VLDLR: variants seen among roughly 807,000 people sequenced by gnomAD.
The protein encoded by VLDLR is very low-density lipoprotein receptor.
Under a neutral mutation model 112.7 loss-of-function variants are expected in VLDLR, and 81 were observed. That is an observed-to-expected ratio of 0.72 (90% CI 0.60 to 0.86). The LOEUF (loss-of-function observed/expected upper bound fraction) is 0.86. Ranked by LOEUF, VLDLR falls within the 40% of genes least tolerant of loss-of-function variation. VLDLR has a pLI of 0.00. For synonymous variants in VLDLR, 436 were observed against 384.8 expected (o/e 1.13, Z -1.56); for missense variants, 1,237 against 1,099.4 (o/e 1.13, Z -1.77).
chr9:2,651,980 G>C, intron 17 of VLDLR, 26 bp downstream of exon 17: 1 of 1,611,130 alleles, frequency 6.2e-7, no homozygotes, highest in Non-Finnish European at 8.5e-7. Context: ...ACAAGTCTGG[G>C]TTCAAGAACT....
Position 2,621,954 on chromosome 9 carries a change from A to G in VLDLR, c.-236A>G, listed in dbSNP as rs1479208785. On this transcript the variant is annotated 5_prime_UTR_variant, in exon 1 of 19. Coordinates refer to ENST00000382100, the MANE Select transcript of VLDLR (RefSeq NM_003383.5). ...TTTTCTGCCCGCAGGCTCGGCTTGC[A>G]CTGCTGCTGCAGCCCGGGGAGGTGG... The G allele has an allele frequency of 1.5e-6, 1 of 656,042 alleles. No individual in the cohort carries two copies. Among genetic ancestry groups the G allele is most frequent in the Non-Finnish European group, 2.8e-6 (1 of 360,628 alleles). 40.6% of individuals were successfully genotyped at this position (656,042 alleles called of 1,614,324 possible). A position where few individuals can be genotyped will look rare whatever the true frequency, so the allele number is the denominator to read the frequency against.
intron 2 of VLDLR, among the ~76,000 whole-genome samples, chr9:2,638,435 A>G (rs1476320982): frequency 6.6e-6 from 1 of 152,170 alleles, no homozygotes; most frequent in Non-Finnish European, 1.5e-5. Context: ...CAAATTGTGA[A>G]TTTTTCACTT....
chr9:2,648,203 C>T lies in VLDLR; in HGVS notation c.1823-5C>T, dbSNP rs1165827301. 1 of 1,614,076 alleles carries T rather than the reference C, an allele frequency of 6.2e-7. No homozygotes were observed. The highest frequency in any genetic ancestry group is 1.1e-5 in the South Asian group (1 of 91,078). ...TCATGTAATGACAATTCTTTTCCTA[C>T]CTAGACCTTATAAAAAGTCGCCTCT... On this transcript the variant is annotated splice_region_variant and splice_polypyrimidine_tract_variant and intron_variant, in intron 12 of 18. Coordinates refer to ENST00000382100, the MANE Select transcript of VLDLR (RefSeq NM_003383.5).
At position 2,635,443 on chromosome 9, in the gene VLDLR, C is replaced by T. The variant is rs1313487512; in HGVS notation, c.83-10C>T. ...TCCTTGCTTTACCGAATGTTCCCTT[C>T]TTATTCTAGGGAGAAAAGCCAAATG... On this transcript the variant is annotated splice_polypyrimidine_tract_variant and intron_variant, in intron 1 of 18. Coordinates refer to ENST00000382100, the MANE Select transcript of VLDLR (RefSeq NM_003383.5). 1 of 1,613,944 alleles carries T rather than the reference C, an allele frequency of 6.2e-7. No homozygotes were observed. The highest frequency in any genetic ancestry group is 1.7e-5 in the Admixed American group (1 of 60,022).
intron 2 of VLDLR, among the ~76,000 whole-genome samples, chr9:2,637,592 C>T (rs1196838683): frequency 6.6e-6 from 1 of 152,108 alleles, no homozygotes; most frequent in Non-Finnish European, 1.5e-5. Flanking sequence ...ATCTTTTGCT[C>T]AAACACTGTG....
At position 2,654,564 on chromosome 9, in the gene VLDLR, C is replaced by G. The variant is rs1818515102; in HGVS notation, c.*696C>G. 1 of 153,162 alleles carries G rather than the reference C, an allele frequency of 6.5e-6. No homozygotes were observed. The highest frequency in any genetic ancestry group is 1.9e-4 in the East Asian group (1 of 5,196). The allele number at this position is 153,162 out of a possible 1,614,324, so 9.5% of individuals were successfully genotyped here. A position where few individuals can be genotyped will look rare whatever the true frequency, so the allele number is the denominator to read the frequency against. On this transcript the variant is annotated 3_prime_UTR_variant, in exon 19 of 19. Transcript: ENST00000382100. ...CTAACTAAATGTGTGAGCTGTAGTT[C>G]TTGATGTTGTATAACTAAGCCTGTA...
chr9:2,640,018 G>A (rs1817760942), intron 3 of VLDLR, 37 bp downstream of exon 3: 2 of 1,613,942 alleles, frequency 1.2e-6, no homozygotes, highest in Admixed American at 1.7e-5. Context: ...ACTTTGCCAA[G>A]TTGTTCGGTG....
At chr9:2,622,868 C>G (rs910356158) in intron 1 of VLDLR, among the ~76,000 whole-genome samples, 2 of 152,078 alleles carry the variant, frequency 1.3e-5, no homozygotes, top group Admixed American at 1.3e-4. Context: ...ACTCCCCCGG[C>G]GCGGGGCCGC....
In VLDLR at chr9:2,656,300, G is replaced by C. The variant is rs1818602526; in HGVS notation, c.*2432G>C. Reference sequence around the variant, plus strand: ...AGATATTCCTATTGAAATAAGAATAGATATATTGGTGGGCCAGGCATGGTG... The same window carrying C: ...AGATATTCCTATTGAAATAAGAATACATATATTGGTGGGCCAGGCATGGTG... On this transcript the variant is annotated 3_prime_UTR_variant, in exon 19 of 19. Transcript: ENST00000382100. 1.3e-5 allele frequency: 2 copies of C among 152,012 alleles called. No individual in the cohort carries two copies. Among genetic ancestry groups the C allele is most frequent in the Non-Finnish European group, 2.9e-5 (2 of 67,994 alleles). The allele number at this position is 152,012 out of a possible 1,614,324, so 9.4% of individuals were successfully genotyped here.
chr9:2,639,753 C>CT (rs928020819), intron 2 of VLDLR, 106 bp from the exon 3 acceptor site: 196 of 1,570,472 alleles, frequency 1.2e-4, no homozygotes, highest in Admixed American at 2.9e-4. Context: ...ATTGACTCAG[C>CT]TTTTTTTTAG....
chr9:2,627,238 G>C (rs1202620393), intron 1 of VLDLR, among the ~76,000 whole-genome samples: 1 of 152,104 alleles, frequency 6.6e-6, no homozygotes, highest in African/African-American at 2.4e-5. Flanking sequence ...ATGCTATCTG[G>C]GTTCTAGCTT....
chr9:2,653,317 C>G (rs1363669865), intron 18 of VLDLR, among the ~76,000 whole-genome samples: 1 of 152,148 alleles, frequency 6.6e-6, no homozygotes, highest in Non-Finnish European at 1.5e-5. Flanking sequence ...GGCTTAAAGT[C>G]AGTGTATTGA....
At chr9:2,650,299 ATG>A in intron 14 of VLDLR, 69 bp from the exon 15 acceptor site, 2 of 1,600,636 alleles carry the variant, frequency 1.2e-6, no homozygotes, top group Non-Finnish European at 1.7e-6. Context: ...GGTCTTCAAC[ATG>A]TAGAACAAGG....
rs1004564646 is a variant in VLDLR, at chr9:2,656,831, C to T, written c.*2963C>T. On this transcript the variant is annotated 3_prime_UTR_variant, in exon 19 of 19. Coordinates refer to ENST00000382100, the MANE Select transcript of VLDLR (RefSeq NM_003383.5). Reference sequence around the variant, plus strand: ...TTTTAAGTGCCCTTTGCAAGCTAATCTATTTGGCAAAAAAATAGTCCCAGT... The same window carrying T: ...TTTTAAGTGCCCTTTGCAAGCTAATTTATTTGGCAAAAAAATAGTCCCAGT... 5 of 148,372 alleles carry T rather than the reference C, an allele frequency of 3.4e-5. No homozygotes were observed. The highest frequency in any genetic ancestry group is 5.0e-5 in the African/African-American group (2 of 40,358). The allele number at this position is 148,372 out of a possible 1,614,324, so 9.2% of individuals were successfully genotyped here.
chr9:2,659,329 G>A lies in VLDLR; in HGVS notation c.*5461G>A, dbSNP rs1279719236. On this transcript the variant is annotated 3_prime_UTR_variant, in exon 19 of 19. Coordinates refer to ENST00000382100, the MANE Select transcript of VLDLR (RefSeq NM_003383.5). ...TTGCTGAGTCCTCCTCATTGCTGAT[G>A]TTAGGATCCTTCAACAGTTTCTCAG... The A allele has an allele frequency of 6.6e-6, 1 of 152,214 alleles. No individual in the cohort carries two copies. Among genetic ancestry groups the A allele is most frequent in the Admixed American group, 6.5e-5 (1 of 15,280 alleles). 9.4% of individuals were successfully genotyped at this position (152,214 alleles called of 1,614,324 possible). A position where few individuals can be genotyped will look rare whatever the true frequency, so the allele number is the denominator to read the frequency against.
chr9:2,639,795 T>C, intron 2 of VLDLR, 64 bp from the exon 3 acceptor site: 1 of 1,613,456 alleles, frequency 6.2e-7, no homozygotes, highest in Non-Finnish European at 8.5e-7. Context: ...GTATGAGCCC[T>C]CATGTGAAGC....
chr9:2,643,679 T>G lies in VLDLR; in HGVS notation c.872T>G (p.Ile291Ser), dbSNP rs762779178. 6.2e-7 allele frequency: 1 copy of G among 1,614,216 alleles called. No homozygotes were observed. The highest frequency in any genetic ancestry group is 8.5e-7 in the Non-Finnish European group (1 of 1,180,040). ...DQFECEDGSC[I>S]HGSRQCNGIR... ...TTTGAATGTGAGGATGGCAGCTGCA[T>G]CCATGGCAGCAGGCAGTGTAATGGT... Residue 291 changes from isoleucine (I) to serine (S), a missense_variant, in exon 6 of 19, where the codon ATC (isoleucine) becomes AGC (serine). Ile to Ser is a moderately radical substitution (Grantham distance 142). Transcript: ENST00000382100.
chr9:2,647,653 C>G, intron 12 of VLDLR, 61 bp downstream of exon 12: 1 of 1,434,744 alleles, frequency 7.0e-7, no homozygotes, highest in Non-Finnish European at 9.8e-7. Context: ...TTCCATTTAT[C>G]TCCATGGTGA....
Position 2,650,461 on chromosome 9 carries a change from T to C in VLDLR, c.2196T>C (p.Tyr732=), listed in dbSNP as rs781123974. The C allele has an allele frequency of 3.1e-6, 5 of 1,614,124 alleles. No homozygotes were observed. Among genetic ancestry groups the C allele is most frequent in the Non-Finnish European group, 4.2e-6 (5 of 1,180,032 alleles). ...AGATTAATGATCACTCTCCAAAATA[T>C]ACCTGTTCCTGTCCCAGTGGGTACA... ...APQINDHSPK[Y]TCSCPSGYNV... Residue 732 remains tyrosine, a synonymous_variant, in exon 15 of 19, where the codon TAT becomes TAC. Transcript: ENST00000382100.
Sources: allele counts gnomAD v4.1 joint callset (sites outside exome capture counted in the v4.1 genomes callset), GRCh38; gene constraint gnomAD v4.1.1; transcripts MANE v1.5; gene names NCBI Gene and HGNC (gene_info 2026-07-23, HGNC 2026-07-21).